Variants in SPECC1 observed in about 807,000 individuals in gnomAD.
The protein encoded by SPECC1 is sperm antigen with calponin homology and coiled-coil domains 1.
A neutral mutation model predicts 104.1 loss-of-function variants in SPECC1; 62 were observed. The ratio of observed to expected loss-of-function variants is 0.60; its 90% CI spans 0.49 to 0.74. SPECC1 has a LOEUF of 0.74. Ranked by LOEUF, SPECC1 falls within the 30% of genes least tolerant of loss-of-function variation. The pLI is 0.00. For synonymous variants in SPECC1, 513 were observed against 501.6 expected (o/e 1.02, Z -0.30); for missense variants, 1,306 against 1,310.5 (o/e 1.00, Z 0.05).
chr17:20,227,044 TC>T (rs1403027494), intron 4 of SPECC1, among the ~76,000 whole-genome samples: 4 of 147,240 alleles, frequency 2.7e-5, no homozygotes, highest in Non-Finnish European at 6.0e-5. Flanking sequence ...AGCACTGCTC[TC>T]CCCAGCTGTG....
At chr17:20,252,714 T>G (rs2039676735) in intron 9 of SPECC1, among the ~76,000 whole-genome samples, 1 of 152,240 alleles carries the variant, frequency 6.6e-6, no homozygotes, top group South Asian at 2.1e-4. Flanking sequence ...TTTTTAAGGC[T>G]GAATAATATT....
intron 4 of SPECC1, among the ~76,000 whole-genome samples, chr17:20,209,936 C>G (rs2037026806): frequency 6.6e-6 from 1 of 152,138 alleles, no homozygotes; most frequent in Non-Finnish European, 1.5e-5. Context: ...TAGGTGGTAT[C>G]CTTAGAATCT....
rs1598192153 is a variant in SPECC1 at position 20,317,590 on chromosome 17, A to G, written c.*3525A>G. ...TTTGTTTTTTAATTAGCTGGGTACAATGATAGGCACCTGTAATCTCAGCTG... is the reference window on the plus strand; with the variant it reads ...TTTGTTTTTTAATTAGCTGGGTACAGTGATAGGCACCTGTAATCTCAGCTG... On this transcript the variant is annotated 3_prime_UTR_variant, in exon 15 of 15. Coordinates refer to ENST00000395527, the MANE Select transcript of SPECC1 (RefSeq NM_001243439.2). The G allele has an allele frequency of 2.1e-5, 4 of 191,578 alleles. No individual in the cohort carries two copies. In the East Asian group the frequency reaches 3.3e-4, roughly 16 times the overall value. 11.9% of individuals were successfully genotyped at this position (191,578 alleles called of 1,614,324 possible).
intron 7 of SPECC1, among the ~76,000 whole-genome samples, chr17:20,240,723 C>T (rs2039164413): frequency 6.6e-6 from 1 of 152,208 alleles, no homozygotes; most frequent in Non-Finnish European, 1.5e-5. Flanking sequence ...CCTAGATGTG[C>T]TCCCATTTCT....
chr17:20,165,253 C>T (rs1049251381), intron 3 of SPECC1, among the ~76,000 whole-genome samples: 6 of 152,026 alleles, frequency 3.9e-5, no homozygotes, highest in African/African-American at 9.7e-5. Context: ...CCCCCTGTGC[C>T]GTTTCCATGT....
rs2043871993 is a variant in SPECC1 at position 20,009,819 on chromosome 17, G to T, written c.-22+395G>T. 1 of 152,416 alleles carries T rather than the reference G, an allele frequency of 6.6e-6. No homozygotes were observed. The highest frequency in any genetic ancestry group is 6.5e-5 in the Admixed American group (1 of 15,286). 9.4% of individuals were successfully genotyped at this position (152,416 alleles called of 1,614,324 possible). The stretch of plus-strand genomic sequence containing the variant: ...TCGCCGCAGTGGGACAGGTGCGCGG[G>T]CACGCCCGGCCCCGGCTCCTGGGTC... On this transcript the variant is annotated intron_variant, in intron 1 of 14. Transcript: ENST00000395527. The surrounding 1 kb of genome is among the most constrained non-coding windows in gnomAD (Gnocchi z 5.2).
intron 1 of SPECC1, among the ~76,000 whole-genome samples, chr17:20,094,788 C>CA (rs2047566652): frequency 6.6e-6 from 1 of 152,012 alleles, no homozygotes. Context: ...TTTGTAGAGA[C>CA]AGAGTCTTGC....
intron 1 of SPECC1, among the ~76,000 whole-genome samples, chr17:20,019,578 T>C (rs926818252): frequency 6.6e-6 from 1 of 152,174 alleles, no homozygotes; most frequent in East Asian, 1.9e-4. Flanking sequence ...CCTTTTGAAC[T>C]TTATCTGCAA....
Position 20,096,655 on chromosome 17 carries a change from C to T in SPECC1, c.4C>T (p.Arg2Trp), listed in dbSNP as rs763091276. Residue 2 changes from arginine (R) to tryptophan (W), a missense_variant, in exon 2 of 15, where the codon CGG becomes TGG. Physicochemically the swap from Arg to Trp is moderately radical, Grantham distance 101. Transcript: ENST00000395527. M[R>W]SAAKPWNPAI... ...GGACAGACCCACGAAGTCAAGCATGCGGAGTGCAGCCAAGCCCTGGAACCC... is the reference window on the plus strand; with the variant it reads ...GGACAGACCCACGAAGTCAAGCATGTGGAGTGCAGCCAAGCCCTGGAACCC... 1.7e-5 allele frequency: 27 copies of T among 1,611,542 alleles called. 1 individual carries two copies. Among genetic ancestry groups the T allele is most frequent in the Admixed American group, 1.7e-5 (1 of 59,626 alleles).
At chr17:20,313,077 CA>C (rs2142249798) in intron 14 of SPECC1, among the ~76,000 whole-genome samples, 1 of 152,296 alleles carries the variant, frequency 6.6e-6, no homozygotes, top group African/African-American at 2.4e-5. Flanking sequence ...GCACAAATTT[CA>C]GAAAAGTTTG....
intron 7 of SPECC1, among the ~76,000 whole-genome samples, chr17:20,244,120 G>T (rs1011733617): frequency 6.6e-6 from 1 of 152,022 alleles, no homozygotes; most frequent in Non-Finnish European, 1.5e-5. Context: ...AGCAAGCTAC[G>T]CAGGAGGCTG....
rs150017632 is a variant in SPECC1 at position 20,194,292 on chromosome 17, G to A, written c.284-10041G>A. ...GTCCCAGGATAACTTGGGGCTCTTCGACCTGTGAGAAAGTGACATTCTTTA... is the reference window on the plus strand; with the variant it reads ...GTCCCAGGATAACTTGGGGCTCTTCAACCTGTGAGAAAGTGACATTCTTTA... On this transcript the variant is annotated intron_variant, in intron 3 of 14. Transcript: ENST00000395527. Among the ~76,000 whole-genome samples the A allele has an allele frequency of 6.9e-3, 1,032 of 149,870 alleles. 11 individuals carry two copies. The highest frequency in any genetic ancestry group is 0.025 in the African/African-American group (979 of 39,856).
intron 1 of SPECC1, among the ~76,000 whole-genome samples, chr17:20,052,077 A>C (rs2045795364): frequency 6.6e-6 from 1 of 152,224 alleles, no homozygotes; most frequent in South Asian, 2.1e-4. Context: ...TGTAATAGTC[A>C]CTTTATAAAT....
At chr17:20,252,083 T>C (rs529074350) in intron 9 of SPECC1, among the ~76,000 whole-genome samples, 51 of 152,308 alleles carry the variant, frequency 3.3e-4, no homozygotes, top group Middle Eastern at 3.4e-3. Context: ...GTTGTGTTTT[T>C]AGAAAAACAG....
At chr17:20,167,068 G>C (rs2033712365) in intron 3 of SPECC1, among the ~76,000 whole-genome samples, 1 of 150,874 alleles carries the variant, frequency 6.6e-6, no homozygotes, top group African/African-American at 2.4e-5. Flanking sequence ...TAAAGTTTTA[G>C]TTAGACTCAT....
intron 1 of SPECC1, among the ~76,000 whole-genome samples, chr17:20,024,125 C>T (rs992361272): frequency 1.4e-4 from 22 of 152,106 alleles, no homozygotes; most frequent in African/African-American, 4.1e-4. Context: ...TAGTAAGTTT[C>T]CATTTTATTT....
chr17:20,125,534 G>A (rs2049258039), intron 3 of SPECC1, among the ~76,000 whole-genome samples: 3 of 152,298 alleles, frequency 2.0e-5, no homozygotes, highest in South Asian at 4.1e-4. Context: ...ACTCCCTGTC[G>A]CACTGTCTGC....
intron 3 of SPECC1, among the ~76,000 whole-genome samples, chr17:20,154,259 G>A (rs2032264518): frequency 1.3e-5 from 2 of 152,224 alleles, no homozygotes; most frequent in African/African-American, 4.8e-5. Flanking sequence ...CAGTGTCACA[G>A]AGGCCAGCAA....
intron 3 of SPECC1, among the ~76,000 whole-genome samples, chr17:20,111,480 T>C (rs915754382): frequency 3.9e-5 from 6 of 152,226 alleles, no homozygotes; most frequent in African/African-American, 1.2e-4. Context: ...AATACTGATA[T>C]TGTATTAAAC....
Sources: allele counts gnomAD v4.1 joint callset (sites outside exome capture counted in the v4.1 genomes callset), GRCh38; gene constraint gnomAD v4.1.1; non-coding constraint Gnocchi (gnomAD v3.1); transcripts MANE v1.5; gene names NCBI Gene and HGNC (gene_info 2026-07-23, HGNC 2026-07-21).